Variants in POC1B observed in about 807,000 individuals in gnomAD.
The protein encoded by POC1B is POC1 centriolar protein homolog B.
Under a neutral mutation model 60.6 loss-of-function variants are expected in POC1B, and 44 were observed. The observed-to-expected ratio is 0.73, with a 90% CI of 0.57 to 0.93. POC1B has a LOEUF of 0.93. Among genes scored for constraint, POC1B ranks in the 40% least tolerant of loss-of-function variants. The pLI is 0.00. For synonymous variants in POC1B, 180 were observed against 198.9 expected (o/e 0.90, Z 0.80); for missense variants, 555 against 572.3 (o/e 0.97, Z 0.31).
At chr12:89,488,158 TACA>T (rs10596924) in intron 4 of POC1B, among the ~76,000 whole-genome samples, 76,959 of 151,766 alleles carry the variant, frequency 0.51, 19,879 homozygotes, top group African/African-American at 0.6. Flanking sequence ...GATGATTCAA[TACA>T]ACGACAACGA....
intron 10 of POC1B, among the ~76,000 whole-genome samples, chr12:89,441,431 T>C (rs113025676): frequency 0.023 from 3,427 of 152,154 alleles, 108 homozygotes; most frequent in African/African-American, 0.073. Flanking sequence ...AGAGGAAGGA[T>C]CAGGGAGCAA....
chr12:89,433,581 G>A (rs1278924397), intron 10 of POC1B, among the ~76,000 whole-genome samples: 1 of 152,174 alleles, frequency 6.6e-6, no homozygotes, highest in African/African-American at 2.4e-5. Context: ...ATGTAAGTTG[G>A]GTAAAGGAGG....
intron 10 of POC1B, among the ~76,000 whole-genome samples, chr12:89,432,695 T>C (rs971740091): frequency 2.0e-5 from 3 of 152,212 alleles, no homozygotes; most frequent in Non-Finnish European, 4.4e-5. Flanking sequence ...GCAAATTTTA[T>C]GGAGAAGTGG....
At position 89,425,350 on chromosome 12, in the gene POC1B, T is replaced by C; in HGVS notation, c.1143A>G (p.Pro381=). The C allele has an allele frequency of 6.2e-7, 1 of 1,614,164 alleles. No homozygotes were observed. The highest frequency in any genetic ancestry group is 1.1e-5 in the South Asian group (1 of 91,088). The change falls in exon 11 of 12, where the codon CCA becomes CCG. Residue 381 remains proline, a synonymous_variant. Transcript: ENST00000313546. The part of the protein sequence containing the change: ...TTTETSGRTL[P]DKGEEACGYF... ...ATCCACAGGCCTCTTCACCCTTGTC[T>C]GGCAGAGTCCTACCACTGGTTTCTG...
At chr12:89,513,768 G>C (rs1870301091) in intron 2 of POC1B, among the ~76,000 whole-genome samples, 2 of 152,130 alleles carry the variant, frequency 1.3e-5, no homozygotes, top group Admixed American at 1.3e-4. Context: ...CTTAAGGCTT[G>C]AGCTCCAGCT....
At chr12:89,502,220 A>G in intron 2 of POC1B, 2 of 1,184,776 alleles carry the variant, frequency 1.7e-6, no homozygotes, top group Non-Finnish European at 2.5e-6. Flanking sequence ...GTGGATGATG[A>G]GGAAGTTCCT....
chr12:89,480,470 G>A (rs1039174133), intron 4 of POC1B, among the ~76,000 whole-genome samples: 15 of 151,356 alleles, frequency 9.9e-5, no homozygotes, highest in Non-Finnish European at 1.6e-4. Context: ...TGCCAGTCTG[G>A]AGTACGGTGG....
intron 2 of POC1B, among the ~76,000 whole-genome samples, chr12:89,513,137 A>G (rs1268175151): frequency 6.6e-6 from 1 of 152,184 alleles, no homozygotes. Flanking sequence ...CTCAGTGTAT[A>G]CACTAAATTA....
At position 89,479,661 on chromosome 12, in the gene POC1B, A is replaced by C. The variant is rs548800847; in HGVS notation, c.453-7386T>G. Among the ~76,000 whole-genome samples the C allele has an allele frequency of 2.0e-5, 3 of 152,256 alleles. No individual in the cohort carries two copies. The South Asian group carries it at 6.2e-4, about 32-fold the overall frequency. ...TGGGCACCATCTCTGTGCGACACTGAATAAGCTTGGGCTCCAAGAACAAAC... is the reference window on the plus strand; with the variant it reads ...TGGGCACCATCTCTGTGCGACACTGCATAAGCTTGGGCTCCAAGAACAAAC... On this transcript the variant is annotated intron_variant, in intron 4 of 11. Coordinates refer to ENST00000313546, the MANE Select transcript of POC1B (RefSeq NM_172240.3).
At chr12:89,469,393 C>T (rs979431915) in intron 7 of POC1B, among the ~76,000 whole-genome samples, 6 of 152,264 alleles carry the variant, frequency 3.9e-5, no homozygotes, top group Non-Finnish European at 7.3e-5. Flanking sequence ...AGGAATACAG[C>T]ACATAAGAAT....
chr12:89,508,748 A>C (rs1357696536), intron 2 of POC1B, among the ~76,000 whole-genome samples: 17 of 152,152 alleles, frequency 1.1e-4, no homozygotes, highest in Admixed American at 1.1e-3. Flanking sequence ...GGCTGTTCTC[A>C]TGATAGTGAG....
At chr12:89,469,122 A>C (rs1565738173) in intron 7 of POC1B, among the ~76,000 whole-genome samples, 1 of 151,310 alleles carries the variant, frequency 6.6e-6, no homozygotes, top group Non-Finnish European at 1.5e-5. Flanking sequence ...AACAAACAAA[A>C]AATTAGCTGG....
chr12:89,524,892 G>GCCCAGACC (rs1871290133), intron 2 of POC1B: 1 of 703,514 alleles, frequency 1.4e-6, no homozygotes, highest in African/African-American at 1.8e-5. Flanking sequence ...CGTCCGCCAG[G>GCCCAGACC]CCCAGACCGC....
At position 89,514,402 on chromosome 12, in the gene POC1B, C is replaced by CTTTTTTTTTTTTTTTTTT. The variant is rs60679774; in HGVS notation, c.100+10700_100+10717dup. On this transcript the variant is annotated intron_variant, in intron 2 of 11. Coordinates refer to ENST00000313546, the MANE Select transcript of POC1B (RefSeq NM_172240.3). ...ATAAGTTACTCAGTTTCATGTATTT[C>CTTTTTTTTTTTTTTTTTT]TTTTTTTTTTTTTTTTTTTTTTTTT... is the stretch of plus-strand genomic sequence containing the variant. Among the ~76,000 whole-genome samples, 46 of 67,094 alleles carry CTTTTTTTTTTTTTTTTTT rather than the reference C, an allele frequency of 6.9e-4. 6 individuals carry two copies. The highest frequency in any genetic ancestry group is 8.1e-4 in the Non-Finnish European group (31 of 38,362). 44.0% of individuals were successfully genotyped at this position (67,094 alleles called of 152,430 possible).
intron 10 of POC1B, among the ~76,000 whole-genome samples, chr12:89,432,148 T>C (rs10858848): frequency 0.22 from 33,766 of 151,464 alleles, 3,965 homozygotes; most frequent in South Asian, 0.35. Context: ...CTTTGGGAGG[T>C]CGAGGTGGGC....
At chr12:89,408,509 G>T in the POC1B span, among the ~76,000 whole-genome samples, 7 of 142,976 alleles carry the variant, frequency 4.9e-5, no homozygotes, top group Non-Finnish European at 1.1e-4. Flanking sequence ...TTTTTGAGAC[G>T]GAGTCTCGCT....
chr12:89,486,747 G>C (rs1868650974), intron 4 of POC1B, among the ~76,000 whole-genome samples: 1 of 152,160 alleles, frequency 6.6e-6, no homozygotes, highest in African/African-American at 2.4e-5. Context: ...GCTGCGTTGA[G>C]GATGGAGCTA....
In POC1B at chr12:89,502,669, T is replaced by A. The variant is rs1379256612; in HGVS notation, c.101-5327A>T. 57 of 1,336,246 alleles carry A rather than the reference T, an allele frequency of 4.3e-5. No homozygotes were observed. In the East Asian group the frequency reaches 4.4e-4, roughly 10 times the overall value. 82.8% of individuals were successfully genotyped at this position (1,336,246 alleles called of 1,614,324 possible). On this transcript the variant is annotated intron_variant, in intron 2 of 11. Coordinates refer to ENST00000313546, the MANE Select transcript of POC1B (RefSeq NM_172240.3). ...ATACATATCAATTTTTTGTTAAGCA[T>A]GGTGAGTTGAAGGTATATAACACAT...
chr12:89,444,606 C>A (rs1402106762), intron 10 of POC1B, among the ~76,000 whole-genome samples: 1 of 152,168 alleles, frequency 6.6e-6, no homozygotes, highest in South Asian at 2.1e-4. Context: ...GGACATATCT[C>A]AAAATAATAA....
Sources: allele counts gnomAD v4.1 joint callset (sites outside exome capture counted in the v4.1 genomes callset), GRCh38; gene constraint gnomAD v4.1.1; transcripts MANE v1.5; gene names NCBI Gene and HGNC (gene_info 2026-07-23, HGNC 2026-07-21).